The following TSHZ2 variants were observed in gnomAD, a reference collection of about 807,000 sequenced individuals.
TSHZ2 encodes the protein teashirt zinc finger homeobox 2, also known as teashirt homolog 2.
Under a neutral mutation model 74.4 loss-of-function variants are expected in TSHZ2, and 21 were observed. The ratio of observed to expected loss-of-function variants is 0.28; its 90% CI spans 0.20 to 0.41. TSHZ2 has a LOEUF of 0.41. Among genes scored for constraint, TSHZ2 ranks in the 10% least tolerant of loss-of-function variants. The pLI is 1.00. For missense variants in TSHZ2, 1,244 were observed against 1,293.5 expected (o/e 0.96, Z 0.59); for synonymous variants, 540 against 515.3 (o/e 1.05, Z -0.65).
chr20:53,348,212 G>A (rs991601390), intron 2 of TSHZ2, among the ~76,000 whole-genome samples: 1 of 152,186 alleles, frequency 6.6e-6, no homozygotes, highest in Non-Finnish European at 1.5e-5. Flanking sequence ...GTTCCTAGAA[G>A]CACTCTTTGC....
chr20:53,391,062 A>G (rs1310042000), intron 2 of TSHZ2, among the ~76,000 whole-genome samples: 1 of 152,184 alleles, frequency 6.6e-6, no homozygotes, highest in Non-Finnish European at 1.5e-5. Flanking sequence ...GCTGGGCCAG[A>G]TTTGTCCTGG....
At chr20:53,262,390 T>C (rs1990622422) in intron 2 of TSHZ2, among the ~76,000 whole-genome samples, 1 of 152,212 alleles carries the variant, frequency 6.6e-6, no homozygotes, top group Non-Finnish European at 1.5e-5. Flanking sequence ...CAGGCGTTCA[T>C]GATTGTTCAT....
At chr20:53,276,958 G>T (rs1351287106) in intron 2 of TSHZ2, among the ~76,000 whole-genome samples, 2 of 152,094 alleles carry the variant, frequency 1.3e-5, no homozygotes, top group Non-Finnish European at 2.9e-5. Context: ...CCAACATAGG[G>T]GTCCATCAGG....
chr20:52,997,330 CA>C (rs10714617), intron 1 of TSHZ2, among the ~76,000 whole-genome samples: 65,050 of 151,504 alleles, frequency 0.43, 14,297 homozygotes, highest in Non-Finnish European at 0.47. Flanking sequence ...CACAACTGAT[CA>C]CCAATAGTGA....
chr20:53,334,165 A>AAGGGTAAGACACAGATAAAAAGTAAGTC (rs1979844089), intron 2 of TSHZ2, among the ~76,000 whole-genome samples: 1 of 152,240 alleles, frequency 6.6e-6, no homozygotes, highest in African/African-American at 2.4e-5. Flanking sequence ...CTTGTGTTCT[A>AAGGGTAAGACACAGATAAAAAGTAAGTC]AGGGTAAGAC....
In TSHZ2 at chr20:53,419,339, C is replaced by A. The variant is rs144158375; in HGVS notation, c.*9-67805C>A. On this transcript the variant is annotated intron_variant, in intron 2 of 2. Coordinates refer to ENST00000371497, the MANE Select transcript of TSHZ2 (RefSeq NM_173485.6). ...CTTTGGACTTTCATCTTTTTATCTT[C>A]AAAATGGAAGGATCTCCTTTGGAGG... Among the ~76,000 whole-genome samples the A allele has an allele frequency of 5.3e-4, 81 of 152,254 alleles. 1 individual carries two copies. Among genetic ancestry groups the A allele is most frequent in the African/African-American group, 1.8e-3 (74 of 41,552 alleles).
rs771196014 is a variant in TSHZ2, at chr20:53,255,143, C to G, written c.1685C>G (p.Ser562Cys). ...ACCAAGCCGCCTTTGCCTATGGGAT[C>G]CCAGGTACTGCAGATCCGGCCTAAT... ...EGTKPPLPMG[S>C]QVLQIRPNLT... Residue 562 changes from serine to cysteine, a missense_variant, in exon 2 of 3, where the codon TCC becomes TGC. Ser to Cys is a moderately radical substitution (Grantham distance 112). This residue lies in a region of TSHZ2 where 562 missense variants were observed against 544.0 expected (regional missense o/e 1.03). Transcript: ENST00000371497. The surrounding 1 kb of genome is among the most constrained non-coding windows in gnomAD (Gnocchi z 4.1). 1.7e-5 allele frequency: 28 copies of G among 1,614,040 alleles called. No individual in the cohort carries two copies. The highest frequency in any genetic ancestry group is 2.1e-5 in the Non-Finnish European group (25 of 1,180,040).
intron 1 of TSHZ2, among the ~76,000 whole-genome samples, chr20:53,190,995 A>G (rs989789053): frequency 7.9e-5 from 12 of 152,184 alleles, no homozygotes; most frequent in African/African-American, 2.9e-4. Context: ...TGAATGCTAA[A>G]GAAAAAGAAG....
At chr20:52,982,228 G>A (rs1216261946) in intron 1 of TSHZ2, among the ~76,000 whole-genome samples, 4 of 152,106 alleles carry the variant, frequency 2.6e-5, no homozygotes, top group East Asian at 1.9e-4. Flanking sequence ...ATTCAAGTTC[G>A]TGCGGTAGCC....
intron 2 of TSHZ2, among the ~76,000 whole-genome samples, chr20:53,342,963 T>TTC (rs1980276434): frequency 8.7e-6 from 1 of 115,606 alleles, no homozygotes; most frequent in African/African-American, 3.6e-5. Flanking sequence ...TTCTTTTTTT[T>TTC]TTTTTTTTTT....
In TSHZ2 at chr20:53,174,243, A is replaced by G. The variant is rs557667171; in HGVS notation, c.41-79256A>G. On this transcript the variant is annotated intron_variant, in intron 1 of 2. Transcript: ENST00000371497. Reference sequence around the variant, plus strand: ...AGAAGCTGATAGAGAATTAAGGGGAAAGTTGGCCCCTTGGGTAATATTTAA... The same window carrying G: ...AGAAGCTGATAGAGAATTAAGGGGAGAGTTGGCCCCTTGGGTAATATTTAA... Among the ~76,000 whole-genome samples, 6 of 152,304 alleles carry G rather than the reference A, an allele frequency of 3.9e-5. No individual in the cohort carries two copies. In the South Asian group the frequency reaches 1.2e-3, roughly 32 times the overall value.
intron 1 of TSHZ2, among the ~76,000 whole-genome samples, chr20:53,149,375 T>C (rs1040478673): frequency 3.9e-5 from 6 of 151,980 alleles, no homozygotes; most frequent in Non-Finnish European, 7.4e-5. Flanking sequence ...AAGGGGGCTT[T>C]CCAAAGAAAG....
intron 1 of TSHZ2, among the ~76,000 whole-genome samples, chr20:53,073,497 C>T (rs748966052): frequency 7.2e-5 from 11 of 152,202 alleles, no homozygotes; most frequent in Non-Finnish European, 1.2e-4. Flanking sequence ...GATAGAGACA[C>T]ATCTGAAATA....
intron 2 of TSHZ2, among the ~76,000 whole-genome samples, chr20:53,406,896 T>A (rs540458602): frequency 3.7e-4 from 57 of 152,274 alleles, no homozygotes; most frequent in Middle Eastern, 3.4e-3. Flanking sequence ...GACATCAAAA[T>A]GCAACCCAAA....
intron 2 of TSHZ2, among the ~76,000 whole-genome samples, chr20:53,330,091 T>G (rs1011345844): frequency 4.6e-5 from 7 of 152,216 alleles, no homozygotes; most frequent in Non-Finnish European, 7.3e-5. Context: ...CCTAAAATAT[T>G]TCTTTATTAT....
At chr20:53,210,148 G>T (rs1281993605) in intron 1 of TSHZ2, among the ~76,000 whole-genome samples, 1 of 152,260 alleles carries the variant, frequency 6.6e-6, no homozygotes, top group Non-Finnish European at 1.5e-5. Context: ...GAGGGGTGGG[G>T]GAGCACGCAG....
intron 2 of TSHZ2, among the ~76,000 whole-genome samples, chr20:53,329,127 C>A (rs1162258976): frequency 1.3e-5 from 2 of 152,194 alleles, no homozygotes; most frequent in African/African-American, 4.8e-5. Flanking sequence ...AGGAATGTTT[C>A]TCATCACTCG....
intron 1 of TSHZ2, among the ~76,000 whole-genome samples, chr20:52,997,571 TAAAAG>T (rs1320153034): frequency 2.3e-5 from 3 of 133,022 alleles, no homozygotes; most frequent in African/African-American, 5.2e-5. Context: ...CCTAACCTGA[TAAAAG>T]AAAAAAAAAA....
chr20:53,018,165 G>A (rs532595087), intron 1 of TSHZ2, among the ~76,000 whole-genome samples: 8 of 152,278 alleles, frequency 5.3e-5, no homozygotes, highest in South Asian at 2.1e-4. Flanking sequence ...AGAAGGCAAC[G>A]TCCTTCTGTC....
Sources: allele counts gnomAD v4.1 joint callset (sites outside exome capture counted in the v4.1 genomes callset), GRCh38; gene constraint gnomAD v4.1.1; regional missense constraint gnomAD v4.1.1; non-coding constraint Gnocchi (gnomAD v3.1); transcripts MANE v1.5; gene names NCBI Gene and HGNC (gene_info 2026-07-23, HGNC 2026-07-21).